ZNF699: variants seen among roughly 807,000 people sequenced by gnomAD.
ZNF699 encodes the protein zinc finger protein 699, also known as hangover homolog.
A neutral mutation model predicts 22.5 loss-of-function variants in ZNF699; 18 were observed. The observed-to-expected ratio is 0.80, with a 90% CI of 0.55 to 1.19. The LOEUF (loss-of-function observed/expected upper bound fraction) is 1.19, where lower values mean the gene tolerates loss of function less well. Ranked by LOEUF, ZNF699 falls within the 50% of genes most tolerant of loss-of-function variation. ZNF699 has a pLI of 0.00. For missense variants in ZNF699, 670 were observed against 763.4 expected (o/e 0.88, Z 1.44); for synonymous variants, 241 against 262.3 (o/e 0.92, Z 0.78).
rs2066280694 is a variant in ZNF699, at chr19:9,295,462, A to G, written c.*13T>C. 1.3e-6 allele frequency: 2 copies of G among 1,592,228 alleles called. No homozygotes were observed. Among genetic ancestry groups the G allele is most frequent in the Admixed American group, 1.7e-5 (1 of 58,022 alleles). ...GATCTGAAGCTTTGCAGACATTCCC[A>G]TATTCCTTACATTTATATGTTTTCT... On this transcript the variant is annotated 3_prime_UTR_variant, in exon 6 of 6. Transcript: ENST00000591998.
chr19:9,303,450 G>C (rs74633782), intron 2 of ZNF699, among the ~76,000 whole-genome samples: 1 of 152,172 alleles, frequency 6.6e-6, no homozygotes. Context: ...AGGTCATTAC[G>C]AAGTACACAG....
At position 9,294,839 on chromosome 19, in the gene ZNF699, C is replaced by T. The variant is rs1006830533; in HGVS notation, c.*636G>A. 6.6e-6 allele frequency: 1 copy of T among 152,066 alleles called. No homozygotes were observed. Among genetic ancestry groups the T allele is most frequent in the African/African-American group, 2.4e-5 (1 of 41,412 alleles). The allele number at this position is 152,066 out of a possible 1,614,324, so 9.4% of individuals were successfully genotyped here. On this transcript the variant is annotated 3_prime_UTR_variant, in exon 6 of 6. Transcript: ENST00000591998. The stretch of plus-strand genomic sequence containing the variant: ...TATCATCTCAGAAACTCTAACGTCT[C>T]TTAGCAAAAAAGAATAGGAAGAAAA...
intron 1 of ZNF699, among the ~76,000 whole-genome samples, chr19:9,306,270 TA>T (rs1270232493): frequency 6.6e-6 from 1 of 151,948 alleles, no homozygotes; most frequent in Non-Finnish European, 1.5e-5. Context: ...CGCAAGCCTG[TA>T]ATCCCAGCTA....
In ZNF699 at chr19:9,305,077, T is replaced by G; in HGVS notation, c.43A>C (p.Ile15Leu). The change falls in exon 2 of 6, where the codon ATA becomes CTA. Residue 15 changes from isoleucine (I) to leucine (L), a missense_variant. Coordinates refer to ENST00000591998, the MANE Select transcript of ZNF699 (RefSeq NM_198535.3). ...RKTAELQKNR[I>L]QDSVVFEDVA... ...AATTATCACCTTTTACTTACCTGTA[T>G]TCTATTTTTCTGTAACTCAGCAGTT... 1.2e-6 allele frequency: 2 copies of G among 1,612,944 alleles called. No individual in the cohort carries two copies. The highest frequency in any genetic ancestry group is 1.7e-6 in the Non-Finnish European group (2 of 1,179,130).
At position 9,293,097 on chromosome 19, in the gene ZNF699, T is replaced by C. The variant is rs1344134400; in HGVS notation, c.*2378A>G. 2.1e-5 allele frequency among the ~76,000 whole-genome samples: 3 copies of C among 142,534 alleles called. No individual in the cohort carries two copies. Among genetic ancestry groups the C allele is most frequent in the African/African-American group, 8.0e-5 (3 of 37,716 alleles). 93.5% of individuals were successfully genotyped at this position (142,534 alleles called of 152,430 possible). On this transcript the variant is annotated 3_prime_UTR_variant, in exon 6 of 6. Transcript: ENST00000591998. ...ATTGCAGTGAGCAAGATCACGCCAC[T>C]GCACTCCAACCTGGGCACAAGAGTC... is the stretch of plus-strand genomic sequence containing the variant.
In ZNF699 at chr19:9,295,846, C is replaced by G. The variant is rs766542743; in HGVS notation, c.1558G>C (p.Val520Leu). ...KAFISSSHLT[V>L]HIRTHTGEKP... Reference sequence around the variant, plus strand: ...TCTCCAGTGTGAGTTCTGATATGTACTGTAAGGTGGGAGGAACTAATAAAG... The same window carrying G: ...TCTCCAGTGTGAGTTCTGATATGTAGTGTAAGGTGGGAGGAACTAATAAAG... The change falls in exon 6 of 6, where the codon GTA becomes CTA. Residue 520 changes from valine (V) to leucine (L), a missense_variant. Physicochemically the swap from Val to Leu is conservative, Grantham distance 32. Coordinates refer to ENST00000591998, the MANE Select transcript of ZNF699 (RefSeq NM_198535.3). 2.5e-6 allele frequency: 4 copies of G among 1,613,368 alleles called. No homozygotes were observed. The African/African-American group carries it at 5.4e-5, about 22-fold the overall frequency.
intron 1 of ZNF699, among the ~76,000 whole-genome samples, chr19:9,306,253 G>A (rs563035089): frequency 2.0e-5 from 3 of 151,978 alleles, no homozygotes; most frequent in Admixed American, 6.5e-5. Flanking sequence ...TTAGCCAGGC[G>A]TGGTGGCGCA....
rs1237154688 is a variant in ZNF699, at chr19:9,305,980, G to A, written c.-5-856C>T. Among the ~76,000 whole-genome samples, 3 of 152,012 alleles carry A rather than the reference G, an allele frequency of 2.0e-5. No homozygotes were observed. The East Asian group carries it at 5.9e-4, about 30-fold the overall frequency. ...GCCTCCCAAAGTGCTGGGATTACAG[G>A]CGTGAGCCACCGCGCCTGGCCAAGC... On this transcript the variant is annotated intron_variant, in intron 1 of 5. Transcript: ENST00000591998.
chr19:9,304,944 T>G, intron 2 of ZNF699, 128 bp downstream of exon 2: 1 of 442,168 alleles, frequency 2.3e-6, no homozygotes, highest in Non-Finnish European at 3.9e-6. Context: ...AAAAAAACTA[T>G]AGCCTTCAGT....
intron 3 of ZNF699, among the ~76,000 whole-genome samples, chr19:9,298,607 T>A (rs2066295928): frequency 2.6e-5 from 4 of 152,178 alleles, no homozygotes; most frequent in Admixed American, 1.3e-4. Context: ...CACAAAATAC[T>A]AATCTTGGAT....
intron 1 of ZNF699, among the ~76,000 whole-genome samples, chr19:9,305,423 G>T (rs1362006734): frequency 6.6e-6 from 1 of 152,206 alleles, no homozygotes; most frequent in Non-Finnish European, 1.5e-5. Flanking sequence ...GTGCTATTTT[G>T]TAAGTTAACT....
At chr19:9,308,692 G>C (rs951512643) in intron 1 of ZNF699, among the ~76,000 whole-genome samples, 2 of 152,124 alleles carry the variant, frequency 1.3e-5, no homozygotes, top group Non-Finnish European at 2.9e-5. Context: ...CTATTTAATG[G>C]TGAAATGATA....
At chr19:9,296,988 A>G (rs1346152142) in intron 5 of ZNF699, 55 bp from the exon 6 acceptor site, 1 of 1,394,816 alleles carries the variant, frequency 7.2e-7, no homozygotes, top group Non-Finnish European at 9.6e-7. Flanking sequence ...ATTTCAGTGA[A>G]TGTATATGTT....
At chr19:9,298,951 T>C (rs972901551) in intron 3 of ZNF699, among the ~76,000 whole-genome samples, 4 of 152,176 alleles carry the variant, frequency 2.6e-5, no homozygotes, top group African/African-American at 7.2e-5. Context: ...TTTCCCACAA[T>C]TGGTACTGGA....
chr19:9,295,563 G>A lies in ZNF699; in HGVS notation c.1841C>T (p.Pro614Leu), dbSNP rs371365028. 4 of 1,614,142 alleles carry A rather than the reference G, an allele frequency of 2.5e-6. No individual in the cohort carries two copies. The highest frequency in any genetic ancestry group is 4.5e-5 in the East Asian group (2 of 44,878). Residue 614 changes from proline to leucine, a missense_variant, in exon 6 of 6, where the codon CCC becomes CTC. Coordinates refer to ENST00000591998, the MANE Select transcript of ZNF699 (RefSeq NM_198535.3). ...TTTCCCACATTCCTTACATTCATAG[G>A]GTTTCTCTCCAGTGTGGCTTCTCAC... Reference protein sequence around the residue: ...RHVRSHTGEKPYECKECGKAF... With the variant: ...RHVRSHTGEKLYECKECGKAF...
intron 1 of ZNF699, among the ~76,000 whole-genome samples, chr19:9,305,593 TCTTA>T (rs2066324762): frequency 6.6e-6 from 1 of 152,182 alleles, no homozygotes; most frequent in South Asian, 2.1e-4. Flanking sequence ...TCCCGATATT[TCTTA>T]CTTCTGCACC....
rs575198347 is a variant in ZNF699 at position 9,291,945 on chromosome 19, G to C, written c.*3530C>G. On this transcript the variant is annotated 3_prime_UTR_variant, in exon 6 of 6. Coordinates refer to ENST00000591998, the MANE Select transcript of ZNF699 (RefSeq NM_198535.3). Reference sequence around the variant, plus strand: ...TTAAACTCCTGACCTCAGGTGATCCGCCCACCTCGGCCTCCCAAAGTGCTG... The same window carrying C: ...TTAAACTCCTGACCTCAGGTGATCCCCCCACCTCGGCCTCCCAAAGTGCTG... 6.6e-6 allele frequency among the ~76,000 whole-genome samples: 1 copy of C among 151,866 alleles called. No individual in the cohort carries two copies. Among genetic ancestry groups the C allele is most frequent in the African/African-American group, 2.4e-5 (1 of 41,300 alleles).
chr19:9,306,394 A>AG (rs1568347326), intron 1 of ZNF699, among the ~76,000 whole-genome samples: 1 of 151,822 alleles, frequency 6.6e-6, no homozygotes, highest in Non-Finnish European at 1.5e-5. Context: ...TCCATCTCAA[A>AG]AAAAAAAAAA....
rs1302684704 is a variant in ZNF699, at chr19:9,302,513, T to C, written c.49-9A>G. On this transcript the variant is annotated splice_polypyrimidine_tract_variant and intron_variant, in intron 2 of 5. Coordinates refer to ENST00000591998, the MANE Select transcript of ZNF699 (RefSeq NM_198535.3). ...TCAAAGACTACTGAGTCCTAAAACA[T>C]ACCACAAATTCTGTTCAGAAAGGTA... 5 of 1,601,848 alleles carry C rather than the reference T, an allele frequency of 3.1e-6. No individual in the cohort carries two copies. The East Asian group carries it at 1.1e-4, about 36-fold the overall frequency.
Sources: allele counts gnomAD v4.1 joint callset (sites outside exome capture counted in the v4.1 genomes callset), GRCh38; gene constraint gnomAD v4.1.1; transcripts MANE v1.5; gene names NCBI Gene and HGNC (gene_info 2026-07-23, HGNC 2026-07-21).